SAFB2: variants seen among roughly 807,000 people sequenced by gnomAD.
SAFB2 encodes scaffold attachment factor B2.
Under a neutral mutation model 100.6 loss-of-function variants are expected in SAFB2, and 32 were observed. The ratio of observed to expected loss-of-function variants is 0.32; its 90% CI spans 0.24 to 0.43. The LOEUF (loss-of-function observed/expected upper bound fraction) is 0.43. Among genes scored for constraint, SAFB2 ranks in the 20% least tolerant of loss-of-function variants. The probability of loss-of-function intolerance (pLI) is 1.00; values close to 1 mark genes in which losing one functional copy is unlikely to be tolerated. For synonymous variants in SAFB2, 500 were observed against 439.4 expected (o/e 1.14, Z -1.72); for missense variants, 1,185 against 1,163.4 (o/e 1.02, Z -0.27).
At chr19:5,622,411 G>A in intron 1 of SAFB2, 119 bp downstream of exon 1, 1 of 1,057,590 alleles carries the variant, frequency 9.5e-7, no homozygotes, top group Non-Finnish European at 1.3e-6. Flanking sequence ...CCTCGAACCG[G>A]GGTCGGCCAA....
At chr19:5,601,419 AG>A (rs2052654303) in intron 11 of SAFB2, among the ~76,000 whole-genome samples, 1 of 152,140 alleles carries the variant, frequency 6.6e-6, no homozygotes, top group Non-Finnish European at 1.5e-5. Flanking sequence ...GCTTTAAAGA[AG>A]GGTTTTTAGG....
In SAFB2 at chr19:5,617,303, C is replaced by G. The variant is rs144841257; in HGVS notation, c.275-817G>C. 8.4e-3 allele frequency among the ~76,000 whole-genome samples: 1,274 copies of G among 152,036 alleles called. 13 individuals are homozygous for G. The highest frequency in any genetic ancestry group is 0.013 in the South Asian group (62 of 4,820). On this transcript the variant is annotated intron_variant, in intron 2 of 20. Transcript: ENST00000252542. ...TTCCCCCAAGGCAAAAAGGCAAAGG[C>G]TGCCATAAAGTCGAGAATCATCCTG...
chr19:5,621,978 A>G (rs534543475), intron 1 of SAFB2, among the ~76,000 whole-genome samples: 2 of 152,332 alleles, frequency 1.3e-5, no homozygotes, highest in South Asian at 4.1e-4. Flanking sequence ...TGAGCTGGCA[A>G]GGAGGTGGGG....
At position 5,587,183 on chromosome 19, in the gene SAFB2, A is replaced by C; in HGVS notation, c.*60T>G. 2 of 1,586,284 alleles carry C rather than the reference A, an allele frequency of 1.3e-6. No homozygotes were observed. Among genetic ancestry groups the C allele is most frequent in the Non-Finnish European group, 1.7e-6 (2 of 1,159,410 alleles). Reference sequence around the variant, plus strand: ...AAAAAGATCCCCCAAGTTCGAGGGAACCCTGGCTACCAGATTCAACAGTGC... The same window carrying C: ...AAAAAGATCCCCCAAGTTCGAGGGACCCCTGGCTACCAGATTCAACAGTGC... On this transcript the variant is annotated 3_prime_UTR_variant, in exon 21 of 21. Transcript: ENST00000252542. This position sits in a 1 kb window ranked among gnomAD's most constrained non-coding sequence, Gnocchi z 4.9.
intron 2 of SAFB2, 37 bp downstream of exon 2, chr19:5,621,272 C>G (rs1319027951): frequency 7.4e-7 from 1 of 1,355,088 alleles, no homozygotes; most frequent in Admixed American, 1.7e-5. Context: ...TCTAAATTCT[C>G]TGAACACTCA....
At chr19:5,593,510 G>T in intron 15 of SAFB2, 1 of 208,992 alleles carries the variant, frequency 4.8e-6, no homozygotes. Flanking sequence ...CTGTCTACAA[G>T]GACACATGAG....
rs150398727 is a variant in SAFB2, at chr19:5,616,428, G to C, written c.333C>G (p.Asp111Glu). The C allele has an allele frequency of 1.2e-6, 2 of 1,613,788 alleles. No individual in the cohort carries two copies. The highest frequency in any genetic ancestry group is 8.5e-7 in the Non-Finnish European group (1 of 1,179,964). Residue 111 changes from aspartate (D) to glutamate (E), a missense_variant, in exon 3 of 21, where the codon GAC (aspartate) becomes GAG (glutamate). Physicochemically the swap from Asp to Glu is conservative, Grantham distance 45. This residue lies in a region of SAFB2 where 351 missense variants were observed against 341.2 expected (regional missense o/e 1.03). Transcript: ENST00000252542. ...EDNGLEDDSR[D>E]GQEDMEASLE... ...CTACCCTGACATCACTTACCTGCCC[G>C]TCTCTGGAATCGTCTTCCAGGCCAT...
chr19:5,616,372 G>A (rs1420358862), intron 3 of SAFB2, 37 bp from the exon 4 acceptor site: 8 of 1,613,688 alleles, frequency 5.0e-6, no homozygotes, highest in African/African-American at 1.3e-5. Flanking sequence ...CGACCACCTG[G>A]ACCAGGACAG....
intron 13 of SAFB2, among the ~76,000 whole-genome samples, chr19:5,596,556 C>A (rs1196387662): frequency 6.6e-6 from 1 of 152,176 alleles, no homozygotes; most frequent in Non-Finnish European, 1.5e-5. Flanking sequence ...ATTGTCCAGG[C>A]TGGTCTCAAA....
At chr19:5,618,334 C>A (rs1945966459) in intron 2 of SAFB2, among the ~76,000 whole-genome samples, 1 of 152,072 alleles carries the variant, frequency 6.6e-6, no homozygotes, top group Non-Finnish European at 1.5e-5. Context: ...TGTACTCCAG[C>A]CTGGGCAACA....
intron 18 of SAFB2, among the ~76,000 whole-genome samples, chr19:5,588,296 CACTGCTGGTGG>C (rs1222568093): frequency 1.3e-5 from 2 of 152,104 alleles, no homozygotes; most frequent in African/African-American, 4.8e-5. Context: ...AACCCTTGTC[CACTGCTGGTGG>C]AAATGTAAAA....
Position 5,604,928 on chromosome 19 carries a change from C to A in SAFB2, c.1305G>T (p.Gly435=). 1 of 1,612,726 alleles carries A rather than the reference C, an allele frequency of 6.2e-7. No individual in the cohort carries two copies. The highest frequency in any genetic ancestry group is 8.5e-7 in the Non-Finnish European group (1 of 1,179,964). ...TGCGGGCGTTCGTTACCACTTTGGCCCCGACAACCTTCATGAAAAAGGGCA... is the reference window on the plus strand; with the variant it reads ...TGCGGGCGTTCGTTACCACTTTGGCACCGACAACCTTCATGAAAAAGGGCA... The part of the protein sequence containing the change: ...NLFSKYGKVV[G]AKVVTNARSP... Residue 435 remains glycine, a synonymous_variant, in exon 10 of 21, where the codon GGG becomes GGT. Coordinates refer to ENST00000252542, the MANE Select transcript of SAFB2 (RefSeq NM_014649.3).
At chr19:5,598,980 C>G (rs536136878) in intron 12 of SAFB2, 96 bp from the exon 13 acceptor site, 1 of 1,089,132 alleles carries the variant, frequency 9.2e-7, no homozygotes, top group East Asian at 2.4e-5. Flanking sequence ...TTTGAACACA[C>G]AAGGCGTGAG....
rs1444598154 is a variant in SAFB2, at chr19:5,622,690, C to T, written c.26G>A (p.Gly9Asp). 1 of 1,606,184 alleles carries T rather than the reference C, an allele frequency of 6.2e-7. No individual in the cohort carries two copies. The highest frequency in any genetic ancestry group is 8.5e-7 in the Non-Finnish European group (1 of 1,178,658). Reference protein sequence around the residue: MAETLPGSGDSGPGTASLG... With the variant: MAETLPGSDDSGPGTASLG... The stretch of plus-strand genomic sequence containing the variant: ...AGAAGCCGTGCCAGGGCCCGAGTCG[C>T]CCGACCCGGGCAGAGTCTCCGCCAT... The change falls in exon 1 of 21, where the codon GGC becomes GAC. Residue 9 changes from glycine (G) to aspartate (D), a missense_variant. By Grantham distance (94) the Gly-to-Asp change is moderately conservative (BLOSUM62 -1). Transcript: ENST00000252542.
intron 11 of SAFB2, among the ~76,000 whole-genome samples, chr19:5,600,951 G>A (rs1303683237): frequency 6.6e-6 from 1 of 152,012 alleles, no homozygotes; most frequent in Non-Finnish European, 1.5e-5. Context: ...ACTGCACACC[G>A]ACTCAACACC....
chr19:5,620,545 G>C (rs2053118872), intron 2 of SAFB2, among the ~76,000 whole-genome samples: 2 of 152,210 alleles, frequency 1.3e-5, no homozygotes, highest in African/African-American at 4.8e-5. Flanking sequence ...TGAACTTTAA[G>C]CATTATGCTA....
intron 2 of SAFB2, among the ~76,000 whole-genome samples, chr19:5,616,945 C>T (rs1410954236): frequency 2.0e-5 from 3 of 152,172 alleles, no homozygotes; most frequent in Middle Eastern, 3.4e-3. Context: ...CCATGGTGCC[C>T]GGCCTCAATT....
chr19:5,594,038 A>AGCCGCTCCCGCTCCATGCGCTCCC lies in SAFB2; in HGVS notation c.2036_2059dup (p.Arg679_Arg686dup), dbSNP rs2052479948. ...CTCCACGCGCATGCGCTCGCGCTCCAGCCGCTCCCGCTCCATGCGCTCCCG... is the reference window on the plus strand; with the variant it reads ...CTCCACGCGCATGCGCTCGCGCTCCAGCCGCTCCCGCTCCATGCGCTCCCGCCGCTCCCGCTCCATGCGCTCCCG... On this transcript the variant is annotated inframe_insertion, in exon 15 of 21. Coordinates refer to ENST00000252542, the MANE Select transcript of SAFB2 (RefSeq NM_014649.3). 6.3e-7 allele frequency: 1 copy of AGCCGCTCCCGCTCCATGCGCTCCC among 1,579,406 alleles called. No homozygotes were observed. The highest frequency in any genetic ancestry group is 8.6e-7 in the Non-Finnish European group (1 of 1,169,254).
intron 11 of SAFB2, 98 bp from the exon 12 acceptor site, chr19:5,600,358 C>T (rs942716725): frequency 4.0e-6 from 6 of 1,493,290 alleles, no homozygotes; most frequent in African/African-American, 1.4e-5. Context: ...GACGTCCACA[C>T]AAAACAAATC....
Sources: allele counts gnomAD v4.1 joint callset (sites outside exome capture counted in the v4.1 genomes callset), GRCh38; gene constraint gnomAD v4.1.1; regional missense constraint gnomAD v4.1.1; non-coding constraint Gnocchi (gnomAD v3.1); transcripts MANE v1.5; gene names NCBI Gene and HGNC (gene_info 2026-07-23, HGNC 2026-07-21).